Variants in AOX1 observed in about 807,000 individuals in gnomAD.
AOX1 encodes the protein aldehyde oxidase.
AOX1 carries 153 observed loss-of-function variants against 169.5 expected under a neutral mutation model. The ratio of observed to expected loss-of-function variants is 0.90; its 90% CI spans 0.79 to 1.03. AOX1 has a LOEUF of 1.03. AOX1 is among the 50% of genes least tolerant of loss of function. The pLI is 0.00. For missense variants in AOX1, 1,656 were observed against 1,663.9 expected (o/e 1.00, Z 0.08); for synonymous variants, 562 against 581.9 (o/e 0.97, Z 0.49).
In AOX1 at chr2:200,610,993, A is replaced by G. The variant is rs529872996; in HGVS notation, c.1154-391A>G. Among the ~76,000 whole-genome samples the G allele has an allele frequency of 4.6e-5, 7 of 152,188 alleles. No individual in the cohort carries two copies. In the East Asian group the frequency reaches 1.4e-3, roughly 29 times the overall value. On this transcript the variant is annotated intron_variant, in intron 12 of 34. Coordinates refer to ENST00000374700, the MANE Select transcript of AOX1 (RefSeq NM_001159.4). ...CTCAGCTTCCTGAGTAGCTGGGACT[A>G]CAGGTGCGCACAACCATGCCCAGCT...
At chr2:200,647,786 A>G (rs182561529) in intron 25 of AOX1, among the ~76,000 whole-genome samples, 1 of 152,172 alleles carries the variant, frequency 6.6e-6, no homozygotes, top group Admixed American at 6.6e-5. Context: ...CCTATTTTCT[A>G]TTCTTTTCTC....
chr2:200,621,327 T>C, intron 18 of AOX1, 81 bp downstream of exon 18: 2 of 1,472,014 alleles, frequency 1.4e-6, no homozygotes, highest in Non-Finnish European at 1.8e-6. Context: ...TACCATCTAC[T>C]TTGGCACACC....
chr2:200,655,257 A>G (rs2105762550), intron 26 of AOX1, among the ~76,000 whole-genome samples: 1 of 152,318 alleles, frequency 6.6e-6, no homozygotes, highest in East Asian at 1.9e-4. Flanking sequence ...GGGGGCTCAT[A>G]TTCTAGCAAA....
At position 200,621,368 on chromosome 2, in the gene AOX1, A is replaced by AT. The variant is rs1480109484; in HGVS notation, c.2001+124dup. On this transcript the variant is annotated intron_variant, in intron 18 of 34. Coordinates refer to ENST00000374700, the MANE Select transcript of AOX1 (RefSeq NM_001159.4). ...AGACTCCAGTATTCTTAGAATGCTTATTATAAAAGTATATTCTAATATTGA... is the reference window on the plus strand; with the variant it reads ...AGACTCCAGTATTCTTAGAATGCTTATTTATAAAAGTATATTCTAATATTGA... 9 of 918,988 alleles carry AT rather than the reference A, an allele frequency of 9.8e-6. No individual in the cohort carries two copies. In the African/African-American group the frequency reaches 1.5e-4, roughly 15 times the overall value. 56.9% of individuals were successfully genotyped at this position (918,988 alleles called of 1,614,324 possible).
intron 1 of AOX1, 96 bp from the exon 2 acceptor site, chr2:200,593,050 C>A: frequency 1.1e-6 from 1 of 922,158 alleles, no homozygotes; most frequent in Non-Finnish European, 1.8e-6. Flanking sequence ...AGTAAAAGGG[C>A]TAATTAACAT....
rs542431016 is a variant in AOX1 at position 200,603,298 on chromosome 2, G to A, written c.530G>A (p.Gly177Glu). The A allele has an allele frequency of 1.2e-6, 2 of 1,613,930 alleles. No homozygotes were observed. The highest frequency in any genetic ancestry group is 1.3e-5 in the African/African-American group (1 of 75,020). The change falls in exon 7 of 35, where the codon GGG (glycine) becomes GAG (glutamate). Residue 177 changes from glycine (G) to glutamate (E), a missense_variant. By Grantham distance (98) the Gly-to-Glu change is moderately conservative. Coordinates refer to ENST00000374700, the MANE Select transcript of AOX1 (RefSeq NM_001159.4). ...TSGCCQSKEN[G>E]VCCLDQGING... ...GGCTGCTGTCAAAGTAAAGAAAATG[G>A]GGTTTGCTGTTTGGATCAAGGAATC...
At chr2:200,659,415 C>A in intron 28 of AOX1, 122 bp downstream of exon 28, 1 of 1,106,980 alleles carries the variant, frequency 9.0e-7, no homozygotes, top group Non-Finnish European at 1.3e-6. Flanking sequence ...ATCTTGCCCT[C>A]AGTCAGTGGT....
intron 25 of AOX1, among the ~76,000 whole-genome samples, chr2:200,643,752 T>A (rs1008103156): frequency 2.2e-4 from 33 of 152,214 alleles, no homozygotes; most frequent in African/African-American, 8.0e-4. Flanking sequence ...ATGGCCATTC[T>A]TGCAAGAGTA....
At position 200,660,081 on chromosome 2, in the gene AOX1, T is replaced by C. The variant is rs770980168; in HGVS notation, c.3375+12T>C. 2 of 1,605,892 alleles carry C rather than the reference T, an allele frequency of 1.2e-6. No individual in the cohort carries two copies. Among genetic ancestry groups the C allele is most frequent in the African/African-American group, 1.3e-5 (1 of 74,690 alleles). On this transcript the variant is annotated intron_variant, in intron 29 of 34. Coordinates refer to ENST00000374700, the MANE Select transcript of AOX1 (RefSeq NM_001159.4). ...CTTGGAAAGACTGGGTGAGAATCAA[T>C]GGTTCTCTGTATTTTATTTTAGAAG...
chr2:200,603,642 CAAG>C (rs1370937990), intron 7 of AOX1, among the ~76,000 whole-genome samples: 1 of 152,104 alleles, frequency 6.6e-6, no homozygotes, highest in Non-Finnish European at 1.5e-5. Context: ...AGTTATTTTT[CAAG>C]GGCCAGAAGT....
chr2:200,655,086 G>A (rs1437700154), intron 26 of AOX1, among the ~76,000 whole-genome samples: 3 of 152,200 alleles, frequency 2.0e-5, no homozygotes, highest in African/African-American at 7.2e-5. Flanking sequence ...TGCACACTTT[G>A]CGAGCCAAGG....
At chr2:200,658,815 T>C (rs895644424) in intron 27 of AOX1, among the ~76,000 whole-genome samples, 5 of 152,194 alleles carry the variant, frequency 3.3e-5, no homozygotes, top group Non-Finnish European at 7.3e-5. Flanking sequence ...AAGGTTCTGC[T>C]AGAATTTTGC....
chr2:200,590,645 C>T (rs983042437), intron 1 of AOX1, among the ~76,000 whole-genome samples: 1 of 152,206 alleles, frequency 6.6e-6, no homozygotes, highest in Non-Finnish European at 1.5e-5. Flanking sequence ...TGAAACATTT[C>T]CTGGAACACA....
rs772155182 is a variant in AOX1 at position 200,612,739 on chromosome 2, G to A, written c.1394G>A (p.Gly465Asp). Residue 465 changes from glycine (G) to aspartate (D), a missense_variant, in exon 14 of 35, where the codon GGC becomes GAC. By Grantham distance (94) the Gly-to-Asp change is moderately conservative. Transcript: ENST00000374700. ...AGAGAGTTATGCATCTCATATGGAG[G>A]CGTTGGTCCAGCCACCATCTGTGCC... ...IIRELCISYGGVGPATICAKN... is the reference protein window; with the variant it reads ...IIRELCISYGDVGPATICAKN... 3 of 1,613,916 alleles carry A rather than the reference G, an allele frequency of 1.9e-6. No individual in the cohort carries two copies. In the East Asian group the frequency reaches 6.7e-5, roughly 36 times the overall value.
intron 19 of AOX1, among the ~76,000 whole-genome samples, chr2:200,626,957 T>C (rs552076880): frequency 6.6e-6 from 1 of 152,172 alleles, no homozygotes; most frequent in Non-Finnish European, 1.5e-5. Context: ...TCAAAGCTGG[T>C]AAGTGGGAAA....
At chr2:200,611,151 A>G (rs2516310) in intron 12 of AOX1, among the ~76,000 whole-genome samples, 89,438 of 152,022 alleles carry the variant, frequency 0.59, 26,337 homozygotes, top group East Asian at 0.74. Flanking sequence ...CACCACGCCC[A>G]GTCGATGTTT....
intron 19 of AOX1, 68 bp downstream of exon 19, chr2:200,624,051 G>A: frequency 6.3e-7 from 1 of 1,595,946 alleles, no homozygotes; most frequent in Non-Finnish European, 8.6e-7. Flanking sequence ...AATGCTTTTG[G>A]CTACTGTAAC....
chr2:200,635,564 T>C (rs1014141263), intron 21 of AOX1, among the ~76,000 whole-genome samples: 3 of 152,286 alleles, frequency 2.0e-5, no homozygotes, highest in Non-Finnish European at 2.9e-5. Flanking sequence ...GAGGTTTGTC[T>C]AGATGGTAAG....
intron 31 of AOX1, among the ~76,000 whole-genome samples, chr2:200,663,309 A>G (rs751916814): frequency 6.6e-6 from 1 of 152,198 alleles, no homozygotes; most frequent in African/African-American, 2.4e-5. Flanking sequence ...ATGCCAAGAT[A>G]TGACATTCTT....
Sources: gnomAD v4.1 joint callset for allele counts (sites outside exome capture counted in the v4.1 genomes callset) on GRCh38, gnomAD v4.1.1 for gene constraint, MANE v1.5 for transcripts, NCBI Gene and HGNC (gene_info 2026-07-23, HGNC 2026-07-21) for gene names.